CAPRIN2: variants seen among roughly 807,000 people sequenced by gnomAD.
The protein encoded by CAPRIN2 is caprin family member 2.
Under a neutral mutation model 130.4 loss-of-function variants are expected in CAPRIN2, and 66 were observed. The ratio of observed to expected loss-of-function variants is 0.51; its 90% CI spans 0.42 to 0.62. The LOEUF is 0.62. Among genes scored for constraint, CAPRIN2 ranks in the 20% least tolerant of loss-of-function variants. CAPRIN2 has a pLI of 0.00. For synonymous variants in CAPRIN2, 471 were observed against 444.1 expected, an observed-to-expected ratio of 1.06 and a Z score of -0.76; for missense variants, 1,185 against 1,246.6, an observed-to-expected ratio of 0.95 and a Z score of 0.74.
chr12:30,714,912 A>G, intron 14 of CAPRIN2, 47 bp downstream of exon 16: 1 of 1,492,800 alleles, frequency 6.7e-7, no homozygotes, highest in East Asian at 2.3e-5. Context: ...TCAAGTAAAC[A>G]CACAGACAAA....
intron 2 of CAPRIN2, 142 bp from the exon 4 acceptor site, chr12:30,741,248 T>A (rs2139084229): frequency 4.5e-6 from 2 of 446,198 alleles, no homozygotes; most frequent in South Asian, 1.2e-4. Context: ...ACTTGCCTAA[T>A]GAAAAAGGAG....
chr12:30,724,552 C>A, intron 9 of CAPRIN2, 101 bp from the exon 11 acceptor site: 1 of 772,074 alleles, frequency 1.3e-6, no homozygotes, highest in Non-Finnish European at 2.2e-6. Context: ...CTATTAGCTA[C>A]ACATAAATAT....
At chr12:30,729,263 A>C in exon 8 of CAPRIN2, 1 of 1,607,622 alleles carries the variant, frequency 6.2e-7, no homozygotes, top group Non-Finnish European at 8.5e-7. Flanking sequence ...CTGCTTCCCA[A>C]GGTTGCTCTT....
intron 12 of CAPRIN2, among the ~76,000 whole-genome samples, chr12:30,717,772 A>C (rs1591970644): frequency 6.6e-6 from 1 of 152,254 alleles, no homozygotes. Flanking sequence ...CCATTTAATG[A>C]ATCTTTACCA....
exon 1 of CAPRIN2, chr12:30,753,533 T>G: frequency 6.2e-7 from 1 of 1,614,116 alleles, no homozygotes; most frequent in South Asian, 1.1e-5. Flanking sequence ...TCCCCTCTCT[T>G]TCCTCCTCTG....
chr12:30,712,505 G>T (rs2055316741), intron 15 of CAPRIN2, among the ~76,000 whole-genome samples: 1 of 151,998 alleles, frequency 6.6e-6, no homozygotes, highest in Non-Finnish European at 1.5e-5. Context: ...TCTAATATTT[G>T]CACGGCTGAT....
chr12:30,747,686 AAAAAG>A (rs893256573), intron 2 of CAPRIN2, among the ~76,000 whole-genome samples: 1 of 152,196 alleles, frequency 6.6e-6, no homozygotes, highest in African/African-American at 2.4e-5. Context: ...TCAAAAAAAA[AAAAAG>A]AAAAGAAACA....
chr12:30,734,892 T>A lies in CAPRIN2; in HGVS notation c.809+76A>T. 1.1e-6 allele frequency: 1 copy of A among 875,398 alleles called. No individual in the cohort carries two copies. Among genetic ancestry groups the A allele is most frequent in the South Asian group, 1.4e-5 (1 of 70,862 alleles). The allele number at this position is 875,398 out of a possible 1,614,324, so 54.2% of individuals were successfully genotyped here. A position where few individuals can be genotyped will look rare whatever the true frequency, so the allele number is the denominator to read the frequency against. On this transcript the variant is annotated intron_variant, in intron 4 of 16. Coordinates refer to ENST00000298892, the Ensembl canonical transcript of CAPRIN2. ...CACACACACACACACACACACTCTC[T>A]CTCTCACATACACACACCCCTAAAA... is the stretch of plus-strand genomic sequence containing the variant.
At chr12:30,750,042 T>G (rs2072952948) in intron 2 of CAPRIN2, among the ~76,000 whole-genome samples, 1 of 152,206 alleles carries the variant, frequency 6.6e-6, no homozygotes, top group Non-Finnish European at 1.5e-5. Context: ...ACAAAAAAGT[T>G]TTATCACTTT....
At chr12:30,753,490 T>G (rs1337027931) in exon 1 of CAPRIN2, 1 of 1,614,218 alleles carries the variant, frequency 6.2e-7, no homozygotes, top group South Asian at 1.1e-5. Context: ...CCATGCTGAC[T>G]GTGGTTCACT....
chr12:30,735,267 G>T, intron 3 of CAPRIN2, 61 bp from the exon 5 acceptor site: 2 of 1,283,834 alleles, frequency 1.6e-6, no homozygotes, highest in South Asian at 1.2e-5. Flanking sequence ...TTAGCAATAC[G>T]TATCTACAAA....
At chr12:30,734,185 G>A (rs1016972979) in intron 4 of CAPRIN2, among the ~76,000 whole-genome samples, 1 of 152,182 alleles carries the variant, frequency 6.6e-6, no homozygotes, top group Non-Finnish European at 1.5e-5. Flanking sequence ...TGACGATGGA[G>A]TAGACTATCA....
At position 30,753,670 on chromosome 12, in the gene CAPRIN2, T is replaced by G. The variant is rs372822363; in HGVS notation, c.94A>C (p.Ile32Leu). Residue 32 changes from isoleucine (I) to leucine (L), a missense_variant, in exon 1 of 17, where the codon ATT becomes CTT. Coordinates refer to ENST00000298892, the Ensembl canonical transcript of CAPRIN2. Reference sequence around the variant, plus strand: ...GGACTAGAGGGACACAGCCAGGCAATAACTTCCCTGGAAAGTCTAGACCAC... The same window carrying G: ...GGACTAGAGGGACACAGCCAGGCAAGAACTTCCCTGGAAAGTCTAGACCAC... 17 of 1,613,968 alleles carry G rather than the reference T, an allele frequency of 1.1e-5. No individual in the cohort carries two copies. The highest frequency in any genetic ancestry group is 1.4e-5 in the Non-Finnish European group (17 of 1,179,952).
At chr12:30,732,832 T>C (rs1304420740) in intron 5 of CAPRIN2, among the ~76,000 whole-genome samples, 1 of 152,140 alleles carries the variant, frequency 6.6e-6, no homozygotes, top group Non-Finnish European at 1.5e-5. Flanking sequence ...AGTACTTATA[T>C]GAACACGTCT....
At chr12:30,716,737 G>T (rs1381681184) in intron 12 of CAPRIN2, 61 bp from the exon 15 acceptor site, 1 of 1,487,028 alleles carries the variant, frequency 6.7e-7, no homozygotes, top group Non-Finnish European at 9.2e-7. Flanking sequence ...CTTAAGGGTG[G>T]TATCCAGCAA....
chr12:30,716,423 G>T (rs1419634831), intron 13 of CAPRIN2, 85 bp downstream of exon 15: 11 of 1,211,970 alleles, frequency 9.1e-6, no homozygotes, highest in Non-Finnish European at 9.6e-6. Context: ...TACTTCTAAA[G>T]TGTCACTACA....
chr12:30,728,754 A>G, exon 8 of CAPRIN2: 2 of 1,614,130 alleles, frequency 1.2e-6, no homozygotes. Flanking sequence ...CTGTGATGTT[A>G]AAGAGTGTTT....
chr12:30,751,171 T>C (rs753206162), intron 1 of CAPRIN2, 38 bp from the exon 3 acceptor site: 2 of 1,543,122 alleles, frequency 1.3e-6, no homozygotes, highest in South Asian at 2.2e-5. Context: ...TAGTCTGACA[T>C]AAAATTCAGA....
intron 3 of CAPRIN2, among the ~76,000 whole-genome samples, chr12:30,738,494 C>T: frequency 6.6e-6 from 1 of 152,124 alleles, no homozygotes; most frequent in Non-Finnish European, 1.5e-5. Flanking sequence ...AATATAGGAA[C>T]TGGCAAAGAT....
Sources: gnomAD v4.1 joint callset for allele counts (sites outside exome capture counted in the v4.1 genomes callset) on GRCh38, gnomAD v4.1.1 for gene constraint, MANE v1.5 for transcripts, NCBI Gene and HGNC (gene_info 2026-07-23, HGNC 2026-07-21) for gene names.